ATXN1: variants seen among roughly 807,000 people sequenced by gnomAD.
The protein encoded by ATXN1 is ataxin 1, also known as ataxin-1.
A neutral mutation model predicts 56.4 loss-of-function variants in ATXN1; 8 were observed. The ratio of observed to expected loss-of-function variants is 0.14; its 90% CI spans 0.08 to 0.26. The LOEUF (loss-of-function observed/expected upper bound fraction) is 0.26. Ranked by LOEUF, ATXN1 falls within the 10% of genes least tolerant of loss-of-function variation. ATXN1 has a pLI of 1.00. For missense variants in ATXN1, 987 were observed against 1,106.5 expected (o/e 0.89, Z 1.53); for synonymous variants, 514 against 494.6 (o/e 1.04, Z -0.52).
Position 16,700,988 on chromosome 6 carries a change from A to C in ATXN1, c.-614-43087T>G, listed in dbSNP as rs147993122. Among the ~76,000 whole-genome samples, 453 of 152,170 alleles carry C rather than the reference A, an allele frequency of 3.0e-3. 3 individuals carry two copies. The highest frequency in any genetic ancestry group is 0.01 in the African/African-American group (418 of 41,548). On this transcript the variant is annotated intron_variant, in intron 2 of 7. Transcript: ENST00000436367. ...GAACCAGCAAAACAAATGGAAAAAAAAAAAACAAAAAGCAGCGACCTCCTG... is the reference window on the plus strand; with the variant it reads ...GAACCAGCAAAACAAATGGAAAAAACAAAAACAAAAAGCAGCGACCTCCTG...
intron 6 of ATXN1, among the ~76,000 whole-genome samples, chr6:16,482,221 C>T (rs1422630543): frequency 6.6e-6 from 1 of 151,980 alleles, no homozygotes; most frequent in Non-Finnish European, 1.5e-5. Context: ...TAGTGAATGT[C>T]ATTTAGGCAT....
chr6:16,565,893 G>T (rs1293943979), intron 4 of ATXN1, among the ~76,000 whole-genome samples: 1 of 152,140 alleles, frequency 6.6e-6, no homozygotes, highest in East Asian at 1.9e-4. Flanking sequence ...ACTGAGGAAA[G>T]CACATCCGGC....
At chr6:16,548,423 C>A (rs1761854223) in intron 4 of ATXN1, among the ~76,000 whole-genome samples, 2 of 152,216 alleles carry the variant, frequency 1.3e-5, no homozygotes, top group South Asian at 4.1e-4. Context: ...TTTGAAATTT[C>A]TTTCTTCAAT....
intron 3 of ATXN1, among the ~76,000 whole-genome samples, chr6:16,654,902 C>G (rs1050990672): frequency 3.3e-5 from 5 of 152,116 alleles, no homozygotes; most frequent in African/African-American, 1.2e-4. Context: ...GTTTCCTGCA[C>G]TTCATAATTT....
intron 7 of ATXN1, among the ~76,000 whole-genome samples, chr6:16,324,246 C>T (rs1760751058): frequency 6.6e-6 from 1 of 152,066 alleles, no homozygotes; most frequent in Non-Finnish European, 1.5e-5. Flanking sequence ...AGTTTGAGAC[C>T]AGCCTAGGCA....
intron 3 of ATXN1, among the ~76,000 whole-genome samples, chr6:16,650,262 C>T (rs1041623694): frequency 3.9e-5 from 6 of 152,120 alleles, no homozygotes; most frequent in Non-Finnish European, 8.8e-5. Flanking sequence ...ATGGGAGTCA[C>T]GGGAGATGAG....
chr6:16,620,492 T>C (rs1306172658), intron 3 of ATXN1, among the ~76,000 whole-genome samples: 2 of 151,712 alleles, frequency 1.3e-5, no homozygotes, highest in Admixed American at 6.6e-5. Context: ...CACACACACA[T>C]ACACACACAG....
At chr6:16,562,835 CTTTAG>C (rs1302013693) in intron 4 of ATXN1, among the ~76,000 whole-genome samples, 1 of 151,808 alleles carries the variant, frequency 6.6e-6, no homozygotes, top group African/African-American at 2.4e-5. Context: ...ATAAGGGCTC[CTTTAG>C]TTTTTAAAAG....
chr6:16,673,899 T>A (rs1340863177), intron 2 of ATXN1, among the ~76,000 whole-genome samples: 1 of 152,134 alleles, frequency 6.6e-6, no homozygotes, highest in Non-Finnish European at 1.5e-5. Flanking sequence ...TTTGGGACGA[T>A]CAAAAAGTGT....
intron 7 of ATXN1, among the ~76,000 whole-genome samples, chr6:16,318,845 G>C (rs1760577231): frequency 6.6e-6 from 1 of 152,202 alleles, no homozygotes; most frequent in African/African-American, 2.4e-5. Flanking sequence ...CCCAGTGAGT[G>C]ACCACAGCAG....
intron 6 of ATXN1, among the ~76,000 whole-genome samples, chr6:16,331,453 C>A (rs914917222): frequency 2.0e-5 from 3 of 152,152 alleles, no homozygotes; most frequent in African/African-American, 7.2e-5. Context: ...TACCAACGAG[C>A]AAGGAAAACT....
chr6:16,636,332 T>G (rs1443276292), intron 3 of ATXN1, among the ~76,000 whole-genome samples: 6 of 141,374 alleles, frequency 4.2e-5, no homozygotes, highest in Non-Finnish European at 6.1e-5. Flanking sequence ...ACCACTCTCC[T>G]CCTCCCAAAG....
intron 6 of ATXN1, among the ~76,000 whole-genome samples, chr6:16,387,401 T>C (rs562562993): frequency 6.6e-6 from 1 of 152,220 alleles, no homozygotes; most frequent in Admixed American, 6.5e-5. Context: ...GAAAGTTCAC[T>C]GTGGAAGACC....
intron 5 of ATXN1, among the ~76,000 whole-genome samples, chr6:16,501,450 T>C (rs1245017623): frequency 6.6e-6 from 1 of 152,086 alleles, no homozygotes; most frequent in African/African-American, 2.4e-5. Flanking sequence ...CATTAGGTAT[T>C]TGTCCTAATT....
intron 5 of ATXN1, among the ~76,000 whole-genome samples, chr6:16,507,236 AAATAAAGATTTTCTAATAT>A (rs1169533936): frequency 6.6e-6 from 1 of 152,214 alleles, no homozygotes; most frequent in African/African-American, 2.4e-5. Flanking sequence ...CAAACTCATA[AAATAAAGATTTTCTAATAT>A]ATGGTATTTA....
At chr6:16,514,150 G>C (rs1581812965) in intron 5 of ATXN1, among the ~76,000 whole-genome samples, 1 of 152,094 alleles carries the variant, frequency 6.6e-6, no homozygotes, top group East Asian at 1.9e-4. Flanking sequence ...AGCAAAACGG[G>C]AATGCAATCA....
At chr6:16,553,452 AC>A (rs1016807778) in intron 4 of ATXN1, among the ~76,000 whole-genome samples, 1 of 152,122 alleles carries the variant, frequency 6.6e-6, no homozygotes, top group African/African-American at 2.4e-5. Flanking sequence ...TTTCCGTCTC[AC>A]AGTACCTTTC....
chr6:16,459,238 G>A (rs1174312269), intron 6 of ATXN1, among the ~76,000 whole-genome samples: 1 of 152,152 alleles, frequency 6.6e-6, no homozygotes, highest in Non-Finnish European at 1.5e-5. Context: ...TACTTGAGGA[G>A]GGAATCAACC....
At chr6:16,361,934 T>C (rs1160252702) in intron 6 of ATXN1, among the ~76,000 whole-genome samples, 1 of 152,198 alleles carries the variant, frequency 6.6e-6, no homozygotes, top group Non-Finnish European at 1.5e-5. Context: ...GAAAACATGT[T>C]GTGTGATTAT....
Sources: gnomAD v4.1 joint callset for allele counts (sites outside exome capture counted in the v4.1 genomes callset) on GRCh38, gnomAD v4.1.1 for gene constraint, MANE v1.5 for transcripts, NCBI Gene and HGNC (gene_info 2026-07-23, HGNC 2026-07-21) for gene names.